ARFGEF1: variants seen among roughly 807,000 people sequenced by gnomAD.
The protein encoded by ARFGEF1 is brefeldin A-inhibited guanine nucleotide-exchange protein 1.
In ARFGEF1, 42 loss-of-function variants were observed where a neutral mutation model predicts 231.0. That is an observed-to-expected ratio of 0.18 (90% CI 0.14 to 0.24). The LOEUF is 0.24. Among genes scored for constraint, ARFGEF1 ranks in the 10% least tolerant of loss-of-function variants. The pLI is 1.00. For missense variants in ARFGEF1, 1,345 were observed against 2,192.0 expected, an observed-to-expected ratio of 0.61 and a Z score of 7.72; for synonymous variants, 710 against 732.3, an observed-to-expected ratio of 0.97 and a Z score of 0.49.
At chr8:67,276,163 C>T (rs1445781860) in intron 8 of ARFGEF1, 54 bp from the exon 9 acceptor site, 52 of 1,586,914 alleles carry the variant, frequency 3.3e-5, no homozygotes, top group Middle Eastern at 1.7e-4. Context: ...AGTGTAAAAT[C>T]GCTTCAGCCT....
At chr8:67,270,677 T>A (rs1805040289) in intron 10 of ARFGEF1, among the ~76,000 whole-genome samples, 1 of 149,646 alleles carries the variant, frequency 6.7e-6, no homozygotes, top group South Asian at 2.1e-4. Flanking sequence ...AAGTTTTATT[T>A]GAAGATGAAA....
At chr8:67,324,125 T>C (rs1807720245) in intron 1 of ARFGEF1, among the ~76,000 whole-genome samples, 1 of 152,164 alleles carries the variant, frequency 6.6e-6, no homozygotes, top group Admixed American at 6.5e-5. Context: ...AATATGCCAA[T>C]CAGAGTAGAA....
chr8:67,286,586 C>T (rs1377804335), intron 7 of ARFGEF1, among the ~76,000 whole-genome samples: 1 of 152,122 alleles, frequency 6.6e-6, no homozygotes, highest in Non-Finnish European at 1.5e-5. Context: ...AAATAGGTAG[C>T]GGGTTGAATC....
At chr8:67,322,680 G>A (rs1044569749) in intron 1 of ARFGEF1, among the ~76,000 whole-genome samples, 20 of 152,292 alleles carry the variant, frequency 1.3e-4, no homozygotes, top group Admixed American at 1.1e-3. Flanking sequence ...TCTCTAGCCT[G>A]GGCAACAAAG....
intron 5 of ARFGEF1, among the ~76,000 whole-genome samples, chr8:67,184,741 A>G (rs1412854985): frequency 7.0e-6 from 1 of 143,610 alleles, no homozygotes; most frequent in African/African-American, 2.7e-5. Flanking sequence ...AATAATAAAA[A>G]AATATAATAA....
At chr8:67,341,152 G>A (rs1808608749) in intron 1 of ARFGEF1, among the ~76,000 whole-genome samples, 1 of 152,178 alleles carries the variant, frequency 6.6e-6, no homozygotes, top group South Asian at 2.1e-4. Flanking sequence ...ATTCCAGTAG[G>A]CTCTCCATTA....
downstream of ARFGEF1, chr8:67,175,428 G>T (rs746830683): frequency 6.8e-6 from 11 of 1,614,138 alleles, no homozygotes; most frequent in South Asian, 1.2e-4. Context: ...ATGCAGGAAG[G>T]TGCCAAAGGT....
At chr8:67,342,065 TAA>T (rs754209895) in intron 1 of ARFGEF1, among the ~76,000 whole-genome samples, 5 of 152,254 alleles carry the variant, frequency 3.3e-5, no homozygotes, top group Admixed American at 1.3e-4. Context: ...TAGCATACTT[TAA>T]GTTATTGTGG....
chr8:67,193,243 C>T (rs1238213940), downstream of ARFGEF1, among the ~76,000 whole-genome samples: 6 of 152,144 alleles, frequency 3.9e-5, no homozygotes, highest in South Asian at 2.1e-4. Context: ...GGACTACAGG[C>T]GCCTGCCACC....
chr8:67,225,252 G>A (rs1839332108), intron 28 of ARFGEF1, among the ~76,000 whole-genome samples: 1 of 152,170 alleles, frequency 6.6e-6, no homozygotes, highest in African/African-American at 2.4e-5. Flanking sequence ...CTCTGGACTA[G>A]AATCCAAAAG....
intron 30 of ARFGEF1, among the ~76,000 whole-genome samples, chr8:67,218,470 A>AT (rs1238587691): frequency 3.9e-5 from 6 of 151,928 alleles, no homozygotes; most frequent in Non-Finnish European, 8.8e-5. Flanking sequence ...AAGTGCATGA[A>AT]TAGCAACGCC....
At chr8:67,267,060 T>C in intron 12 of ARFGEF1, 31 bp downstream of exon 12, 1 of 1,609,936 alleles carries the variant, frequency 6.2e-7, no homozygotes, top group African/African-American at 1.3e-5. Context: ...CTGGTAAAGT[T>C]TAAATTTGAA....
intron 1 of ARFGEF1, among the ~76,000 whole-genome samples, chr8:67,313,423 G>T (rs1456170813): frequency 6.6e-6 from 1 of 152,190 alleles, no homozygotes; most frequent in Admixed American, 6.5e-5. Flanking sequence ...TCGGTCAGAA[G>T]AAAGGTCTAG....
chr8:67,280,672 A>G (rs1300891868), intron 7 of ARFGEF1, among the ~76,000 whole-genome samples: 3 of 152,218 alleles, frequency 2.0e-5, no homozygotes, highest in African/African-American at 7.2e-5. Flanking sequence ...AAGGGGCTAC[A>G]CAGCCCAAGG....
At chr8:67,179,103 G>A (rs1832375582) in intron 5 of ARFGEF1, among the ~76,000 whole-genome samples, 1 of 152,148 alleles carries the variant, frequency 6.6e-6, no homozygotes, top group African/African-American at 2.4e-5. Flanking sequence ...CAGATTATCT[G>A]GTAAGAAGGT....
intron 1 of ARFGEF1, among the ~76,000 whole-genome samples, chr8:67,330,166 A>T (rs1808033418): frequency 6.6e-6 from 1 of 152,130 alleles, no homozygotes; most frequent in Non-Finnish European, 1.5e-5. Flanking sequence ...AGAAACCATA[A>T]TTTTGCATAT....
At position 67,340,017 on chromosome 8, in the gene ARFGEF1, C is replaced by CA. The variant is rs148178244; in HGVS notation, c.124+3146dup. 7.8e-3 allele frequency among the ~76,000 whole-genome samples: 1,103 copies of CA among 142,160 alleles called. 23 individuals carry two copies. The East Asian group carries it at 0.096, about 12-fold the overall frequency. 93.3% of individuals were successfully genotyped at this position (142,160 alleles called of 152,430 possible). ...CTGTTTCATAAGTTATACTTTTTGACAAAAAAAAAAGTTTTAAGAATACAC... is the reference window on the plus strand; with the variant it reads ...CTGTTTCATAAGTTATACTTTTTGACAAAAAAAAAAAGTTTTAAGAATACAC... On this transcript the variant is annotated intron_variant, in intron 1 of 38. Transcript: ENST00000262215.
intron 23 of ARFGEF1, 110 bp downstream of exon 23, chr8:67,232,745 T>C (rs1839595879): frequency 6.0e-6 from 5 of 830,320 alleles, no homozygotes; most frequent in Middle Eastern, 3.0e-4. Context: ...TAATTTTATA[T>C]TACTTTAGAA....
chr8:67,290,481 G>A (rs1805961704), intron 6 of ARFGEF1, among the ~76,000 whole-genome samples: 1 of 152,058 alleles, frequency 6.6e-6, no homozygotes, highest in South Asian at 2.1e-4. Context: ...TTTGTGCATG[G>A]CATTTTTAGG....
Sources: allele counts gnomAD v4.1 joint callset (sites outside exome capture counted in the v4.1 genomes callset), GRCh38; gene constraint gnomAD v4.1.1; transcripts MANE v1.5; gene names NCBI Gene and HGNC (gene_info 2026-07-23, HGNC 2026-07-21).